The following PTPRT variants were observed in gnomAD, a reference collection of about 807,000 sequenced individuals.
The protein encoded by PTPRT is receptor-type tyrosine-protein phosphatase T.
In PTPRT, 56 loss-of-function variants were observed where a neutral mutation model predicts 176.8. The ratio of observed to expected loss-of-function variants is 0.32; its 90% CI spans 0.26 to 0.40. PTPRT has a LOEUF of 0.40. Ranked by LOEUF, PTPRT falls within the 10% of genes least tolerant of loss-of-function variation. The pLI, the probability that PTPRT is intolerant of heterozygous loss-of-function variation, is 1.00. For synonymous variants in PTPRT, 783 were observed against 739.0 expected, an observed-to-expected ratio of 1.06 and a Z score of -0.96; for missense variants, 1,540 against 1,908.2, an observed-to-expected ratio of 0.81 and a Z score of 3.60.
intron 7 of PTPRT, among the ~76,000 whole-genome samples, chr20:42,664,964 A>G (rs2075287890): frequency 6.6e-6 from 1 of 152,248 alleles, no homozygotes. Context: ...TGGATTAAAG[A>G]CTTAAATGTT....
chr20:43,007,337 T>C (rs1984904931), intron 1 of PTPRT, among the ~76,000 whole-genome samples: 1 of 152,238 alleles, frequency 6.6e-6, no homozygotes, highest in Non-Finnish European at 1.5e-5. Flanking sequence ...TTAATGGTTC[T>C]CAGAATGGAA....
At position 42,203,931 on chromosome 20, in the gene PTPRT, T is replaced by G. The variant is rs117868297; in HGVS notation, c.2343-4543A>C. Among the ~76,000 whole-genome samples the G allele has an allele frequency of 4.8e-3, 734 of 152,310 alleles. 19 individuals carry two copies. The highest frequency in any genetic ancestry group is 0.034 in the Admixed American group (523 of 15,298). On this transcript the variant is annotated intron_variant, in intron 15 of 30. Coordinates refer to ENST00000373187, the MANE Select transcript of PTPRT (RefSeq NM_007050.6). ...TCTTTCACCTACTACGACAAGAACT[T>G]CTTGGGAAAGGGCTTTTGACTCTTT...
intron 2 of PTPRT, among the ~76,000 whole-genome samples, chr20:42,820,733 T>G (rs900244456): frequency 3.3e-5 from 5 of 152,080 alleles, no homozygotes; most frequent in African/African-American, 1.2e-4. Flanking sequence ...AAAGGGGATA[T>G]TACCACTGAT....
At chr20:43,177,884 A>T (rs571305890) in intron 1 of PTPRT, among the ~76,000 whole-genome samples, 2 of 152,342 alleles carry the variant, frequency 1.3e-5, no homozygotes, top group Admixed American at 6.5e-5. Flanking sequence ...GTTCAAATTA[A>T]TTGCACTTTT....
chr20:42,812,763 C>G (rs2077718509), intron 2 of PTPRT, among the ~76,000 whole-genome samples: 1 of 152,058 alleles, frequency 6.6e-6, no homozygotes, highest in African/African-American at 2.4e-5. Flanking sequence ...ATTGGGAATA[C>G]TAATTGTATT....
chr20:42,062,155 T>G, the PTPRT span, among the ~76,000 whole-genome samples: 1 of 152,170 alleles, frequency 6.6e-6, no homozygotes, highest in South Asian at 2.1e-4. Flanking sequence ...CGGCAGGCCT[T>G]AAGAAGATTG....
chr20:43,112,446 A>T (rs2146344150), intron 1 of PTPRT, among the ~76,000 whole-genome samples: 1 of 152,314 alleles, frequency 6.6e-6, no homozygotes, highest in East Asian at 1.9e-4. Context: ...ATTTCATTCC[A>T]TTCTATTCTG....
chr20:42,323,542 T>C (rs2057836976), intron 11 of PTPRT, among the ~76,000 whole-genome samples: 1 of 151,522 alleles, frequency 6.6e-6, no homozygotes, highest in Non-Finnish European at 1.5e-5. Flanking sequence ...TTCTCACCCA[T>C]AGGTGGGAAT....
At chr20:42,559,079 T>C (rs918744390) in intron 7 of PTPRT, among the ~76,000 whole-genome samples, 7 of 152,196 alleles carry the variant, frequency 4.6e-5, no homozygotes, top group Admixed American at 3.9e-4. Flanking sequence ...ACAGTCCTAA[T>C]AATATCCTTA....
intron 7 of PTPRT, among the ~76,000 whole-genome samples, chr20:42,630,328 AC>A (rs1332271493): frequency 2.0e-5 from 3 of 152,068 alleles, no homozygotes; most frequent in Non-Finnish European, 4.4e-5. Flanking sequence ...CAGACATCTG[AC>A]TCCCAGAAGG....
intron 16 of PTPRT, among the ~76,000 whole-genome samples, chr20:42,163,059 C>T (rs947441852): frequency 6.6e-6 from 1 of 152,198 alleles, no homozygotes; most frequent in Non-Finnish European, 1.5e-5. Flanking sequence ...CACCCTAATG[C>T]TTTCACTTAT....
chr20:42,398,928 C>G (rs1347101554), intron 9 of PTPRT, among the ~76,000 whole-genome samples: 1 of 152,224 alleles, frequency 6.6e-6, no homozygotes, highest in East Asian at 1.9e-4. Flanking sequence ...TGGCCTCACT[C>G]ATACAACTGG....
the PTPRT span, among the ~76,000 whole-genome samples, chr20:42,050,303 A>G: frequency 2.6e-5 from 4 of 152,168 alleles, no homozygotes; most frequent in African/African-American, 9.7e-5. Context: ...GGTAGCATTT[A>G]CAAATGCATA....
intron 7 of PTPRT, among the ~76,000 whole-genome samples, chr20:42,668,548 G>T (rs2075356497): frequency 6.6e-6 from 1 of 152,096 alleles, no homozygotes; most frequent in Admixed American, 6.5e-5. Context: ...AGAGCTTTAT[G>T]TTTTGCCTCT....
chr20:42,517,157 G>C (rs753124998), intron 7 of PTPRT, among the ~76,000 whole-genome samples: 19 of 151,836 alleles, frequency 1.3e-4, no homozygotes, highest in Non-Finnish European at 2.4e-4. Flanking sequence ...TAAATCATTT[G>C]TACCTGATGT....
intron 15 of PTPRT, among the ~76,000 whole-genome samples, chr20:42,202,523 C>A (rs1162518227): frequency 6.6e-6 from 1 of 151,964 alleles, no homozygotes; most frequent in Non-Finnish European, 1.5e-5. Context: ...CGGGGGAATG[C>A]CAACGAAAGA....
chr20:42,241,900 A>G (rs2056361416), intron 14 of PTPRT, among the ~76,000 whole-genome samples: 1 of 152,142 alleles, frequency 6.6e-6, no homozygotes, highest in Admixed American at 6.5e-5. Flanking sequence ...TTTATATTTA[A>G]TCCAGATTAG....
chr20:43,046,194 G>A (rs145529615), intron 1 of PTPRT, among the ~76,000 whole-genome samples: 11 of 152,210 alleles, frequency 7.2e-5, no homozygotes, highest in South Asian at 6.2e-4. Context: ...CAACGAAGGC[G>A]GCCAGCAGTG....
chr20:42,680,824 T>C (rs915457214), intron 6 of PTPRT, among the ~76,000 whole-genome samples: 1 of 152,236 alleles, frequency 6.6e-6, no homozygotes, highest in Non-Finnish European at 1.5e-5. Flanking sequence ...TCTAATGGCA[T>C]GTGCAAGTAT....
Sources: allele counts gnomAD v4.1 joint callset (sites outside exome capture counted in the v4.1 genomes callset), GRCh38; gene constraint gnomAD v4.1.1; transcripts MANE v1.5; gene names NCBI Gene and HGNC (gene_info 2026-07-23, HGNC 2026-07-21).